The following HSPB7 variants were observed in gnomAD, a reference collection of about 807,000 sequenced individuals.
HSPB7 encodes heat shock protein family B (small) member 7.
A neutral mutation model predicts 11.0 loss-of-function variants in HSPB7; 9 were observed. The observed-to-expected ratio is 0.82, with a 90% CI of 0.49 to 1.43. HSPB7 has a LOEUF of 1.43. Among genes scored for constraint, HSPB7 ranks in the 40% most tolerant of loss-of-function variants. HSPB7 has a pLI of 0.00. For synonymous variants in HSPB7, 102 were observed against 101.6 expected (o/e 1.00, Z -0.02); for missense variants, 246 against 243.9 (o/e 1.01, Z -0.06).
intron 1 of HSPB7, chr1:16,017,508 T>C (rs2021837037): frequency 1.7e-6 from 1 of 587,400 alleles, no homozygotes; most frequent in Non-Finnish European, 3.0e-6. Context: ...CCAGCTGGGA[T>C]TGGCTGTGGT....
chr1:16,015,735 T>A lies in HSPB7; in HGVS notation c.358A>T (p.Asn120Tyr). ...AGCTGGCACTTGTGAGCGAAGGTGT[T>A]CATGACAGTGCCGTCAGCCGCCAGC... ...EKLAADGTVM[N>Y]TFAHKCQLPE... Residue 120 changes from asparagine (N) to tyrosine (Y), a missense_variant, in exon 3 of 3, where the codon AAC (asparagine) becomes TAC (tyrosine). Transcript: ENST00000311890. The surrounding 1 kb of genome is among the most constrained non-coding windows in gnomAD (Gnocchi z 4.9). 6.3e-7 allele frequency: 1 copy of A among 1,599,210 alleles called. No individual in the cohort carries two copies. The highest frequency in any genetic ancestry group is 8.5e-7 in the Non-Finnish European group (1 of 1,170,252).
chr1:16,015,635 C>T lies in HSPB7; in HGVS notation c.458G>A (p.Arg153His), dbSNP rs373135452. 1.3e-5 allele frequency: 21 copies of T among 1,613,980 alleles called. No individual in the cohort carries two copies. The highest frequency in any genetic ancestry group is 4.5e-5 in the East Asian group (2 of 44,878). The change falls in exon 3 of 3, where the codon CGT (arginine) becomes CAT (histidine). Residue 153 changes from arginine (R) to histidine (H), a missense_variant. Arg to His is a conservative substitution (Grantham distance 29). Coordinates refer to ENST00000311890, the MANE Select transcript of HSPB7 (RefSeq NM_014424.5). This position sits in a 1 kb window ranked among gnomAD's most constrained non-coding sequence, Gnocchi z 4.9. ...EDGSLTIRAR[R>H]HPHTEHVQQT... ...CTGGACGTGTTCTGTATGCGGGTGA[C>T]GCCGTGCCCGGATAGTGAGGCTGCC...
chr1:16,018,941 G>A (rs951082314), upstream of HSPB7: 17 of 1,100,368 alleles, frequency 1.5e-5, no homozygotes, highest in African/African-American at 1.1e-4. Context: ...ACGGGGAAGC[G>A]AAGCCTCTTG....
At position 16,017,225 on chromosome 1, in the gene HSPB7, G is replaced by A. The variant is rs754323999; in HGVS notation, c.200-18C>T. 6.2e-7 allele frequency: 1 copy of A among 1,610,842 alleles called. No individual in the cohort carries two copies. The highest frequency in any genetic ancestry group is 1.1e-5 in the South Asian group (1 of 91,020). The stretch of plus-strand genomic sequence containing the variant: ...GGGGCGGGCTGTGGGATGGGCTGCT[G>A]TGAGCGAGGCATGGAGCAGGCCTTG... On this transcript the variant is annotated intron_variant, in intron 1 of 2. Coordinates refer to ENST00000311890, the MANE Select transcript of HSPB7 (RefSeq NM_014424.5).
upstream of HSPB7, chr1:16,019,090 G>GC: frequency 6.8e-7 from 1 of 1,463,886 alleles, no homozygotes; most frequent in Non-Finnish European, 9.2e-7. Context: ...AGCCAGAGAA[G>GC]CCCCTCCCTA....
At chr1:16,019,318 T>C (rs749480154), upstream of HSPB7, 90 of 1,430,430 alleles carry the variant, frequency 6.3e-5, no homozygotes, top group African/African-American at 1.2e-3. Flanking sequence ...CCACACCCAG[T>C]CCAGATGCCC....
intron 2 of HSPB7, among the ~76,000 whole-genome samples, chr1:16,016,511 C>A (rs1028790292): frequency 6.6e-6 from 1 of 152,174 alleles, no homozygotes; most frequent in African/African-American, 2.4e-5. Flanking sequence ...TGTGGGCGGG[C>A]GCTGTGTGTG....
rs1192545737 is a variant in HSPB7, at chr1:16,017,153, G to A, written c.254C>T (p.Ala85Val). ...AGGTGAGAAGTCTCTCACGTCCACCGCAAACTCATAGGCGTCTCCTAGGGT... is the reference window on the plus strand; with the variant it reads ...AGGTGAGAAGTCTCTCACGTCCACCACAAACTCATAGGCGTCTCCTAGGGT... ...IKTLGDAYEF[A>V]VDVRDFSPED... Residue 85 changes from alanine (A) to valine (V), a missense_variant, in exon 2 of 3, where the codon GCG (alanine) becomes GTG (valine). Transcript: ENST00000311890. 4.3e-6 allele frequency: 7 copies of A among 1,613,804 alleles called. No homozygotes were observed. Among genetic ancestry groups the A allele is most frequent in the Admixed American group, 1.7e-5 (1 of 60,006 alleles).
Position 16,017,180 on chromosome 1 carries a change from TTGA to T in HSPB7, c.224_226del (p.Ile75del). ...AAACTCATAGGCGTCTCCTAGGGTC[TTGA>T]TGTTGCCTGCCCCACCGGGGCGGGC... On this transcript the variant is annotated inframe_deletion, in exon 2 of 3. Transcript: ENST00000311890. 1 of 1,613,588 alleles carries T rather than the reference TTGA, an allele frequency of 6.2e-7. No homozygotes were observed.
Position 16,017,626 on chromosome 1 carries a change from T to C in HSPB7, c.199+139A>G. On this transcript the variant is annotated intron_variant, in intron 1 of 2. Coordinates refer to ENST00000311890, the MANE Select transcript of HSPB7 (RefSeq NM_014424.5). Reference sequence around the variant, plus strand: ...ACATCTGTCCCTGTGGCCACATCTGTCTTGGTGGCCACACATGGCTGCAGG... The same window carrying C: ...ACATCTGTCCCTGTGGCCACATCTGCCTTGGTGGCCACACATGGCTGCAGG... The C allele has an allele frequency of 4.3e-6, 3 of 703,512 alleles. No homozygotes were observed. In the South Asian group the frequency reaches 5.6e-5, roughly 13 times the overall value. 43.6% of individuals were successfully genotyped at this position (703,512 alleles called of 1,614,324 possible). A position where few individuals can be genotyped will look rare whatever the true frequency, so the allele number is the denominator to read the frequency against.
At position 16,017,196 on chromosome 1, in the gene HSPB7, C is replaced by T. The variant is rs1355982472; in HGVS notation, c.211G>A (p.Gly71Arg). The T allele has an allele frequency of 1.2e-6, 2 of 1,613,128 alleles. No homozygotes were observed. Among genetic ancestry groups the T allele is most frequent in the South Asian group, 2.2e-5 (2 of 91,046 alleles). Reference sequence around the variant, plus strand: ...CCTAGGGTCTTGATGTTGCCTGCCCCACCGGGGCGGGCTGTGGGATGGGCT... The same window carrying T: ...CCTAGGGTCTTGATGTTGCCTGCCCTACCGGGGCGGGCTGTGGGATGGGCT... ...EPLAFPARPG[G>R]AGNIKTLGDA... Residue 71 changes from glycine (G) to arginine (R), a missense_variant, in exon 2 of 3, where the codon GGG becomes AGG. Physicochemically the swap from Gly to Arg is moderately radical, Grantham distance 125. Coordinates refer to ENST00000311890, the MANE Select transcript of HSPB7 (RefSeq NM_014424.5).
In HSPB7 at chr1:16,015,649, A is replaced by G. The variant is rs1313744027; in HGVS notation, c.444T>C (p.Thr148=). The change falls in exon 3 of 3, where the codon ACT becomes ACC. Residue 148 remains threonine, a synonymous_variant. Transcript: ENST00000311890. This position sits in a 1 kb window ranked among gnomAD's most constrained non-coding sequence, Gnocchi z 4.9. ...TATGCGGGTGACGCCGTGCCCGGAT[A>G]GTGAGGCTGCCGTCCTCCCGCAGAG... is the stretch of plus-strand genomic sequence containing the variant. ...TSALREDGSL[T]IRARRHPHTE... The G allele has an allele frequency of 4.3e-6, 7 of 1,613,872 alleles. No individual in the cohort carries two copies. The highest frequency in any genetic ancestry group is 1.1e-5 in the South Asian group (1 of 91,080).
intron 2 of HSPB7, 114 bp downstream of exon 2, chr1:16,016,960 G>A: frequency 9.0e-7 from 1 of 1,106,518 alleles, no homozygotes; most frequent in South Asian, 1.6e-5. Flanking sequence ...GGGAGTTTGG[G>A]TGGGGAAGGG....
rs1048261 is a variant in HSPB7 at position 16,014,456 on chromosome 1, A to T, written c.*1124T>A. 0.71 allele frequency: 107,881 copies of T among 152,040 alleles called. 38,681 individuals are homozygous for T. The highest frequency in any genetic ancestry group is 0.98 in the East Asian group (5,034 of 5,162). 9.4% of individuals were successfully genotyped at this position (152,040 alleles called of 1,614,324 possible). ...CCAGAGGTGGGGAGTTGAGAGCAGC[A>T]GTTGACACCCTGGGTTCAGATCTAA... is the stretch of plus-strand genomic sequence containing the variant. On this transcript the variant is annotated 3_prime_UTR_variant, in exon 3 of 3. Transcript: ENST00000311890.
At position 16,017,952 on chromosome 1, in the gene HSPB7, T is replaced by C. The variant is rs767941727; in HGVS notation, c.12A>G (p.Arg4=). 18 of 1,613,200 alleles carry C rather than the reference T, an allele frequency of 1.1e-5. No individual in the cohort carries two copies. The highest frequency in any genetic ancestry group is 2.7e-5 in the African/African-American group (2 of 74,930). Residue 4 remains arginine, a synonymous_variant, in exon 1 of 3, where the codon AGA becomes AGG. Coordinates refer to ENST00000311890, the MANE Select transcript of HSPB7 (RefSeq NM_014424.5). ...TCTCCGCTCGGAAGGTGGAAGAGGT[T>C]CTGTGGCTCATCCACGGACGGCGCC... MSH[R]TSSTFRAERS... is the part of the protein sequence containing the mutation.
At chr1:16,018,167 G>T (rs2021911930), upstream of HSPB7, 1 of 1,536,472 alleles carries the variant, frequency 6.5e-7, no homozygotes, top group Middle Eastern at 1.8e-4. Flanking sequence ...CTTCTCCCGT[G>T]CGCCGGCCCT....
intron 1 of HSPB7, 150 bp from the exon 2 acceptor site, chr1:16,017,357 A>G: frequency 9.7e-7 from 1 of 1,026,280 alleles, no homozygotes. Flanking sequence ...TCATTCCTAC[A>G]GCCCACCTTT....
chr1:16,019,297 C>A, upstream of HSPB7: 1 of 1,464,738 alleles, frequency 6.8e-7, no homozygotes, highest in African/African-American at 1.4e-5. Context: ...ACTGCTCCTG[C>A]TCACATGGGC....
upstream of HSPB7, chr1:16,018,297 A>ACTCGGAC: frequency 7.6e-7 from 1 of 1,316,454 alleles, no homozygotes; most frequent in South Asian, 1.3e-5. Flanking sequence ...TCTCCTTGCC[A>ACTCGGAC]CTCGGACCTC....
Sources: allele counts gnomAD v4.1 joint callset (sites outside exome capture counted in the v4.1 genomes callset), GRCh38; gene constraint gnomAD v4.1.1; non-coding constraint Gnocchi (gnomAD v3.1); transcripts MANE v1.5; gene names NCBI Gene and HGNC (gene_info 2026-07-23, HGNC 2026-07-21).